GRIP2: variants seen among roughly 807,000 people sequenced by gnomAD.
GRIP2 encodes the protein glutamate receptor interacting protein 2.
Under a neutral mutation model 108.3 loss-of-function variants are expected in GRIP2, and 58 were observed. The ratio of observed to expected loss-of-function variants is 0.54; its 90% CI spans 0.43 to 0.67. GRIP2 has a LOEUF of 0.67. Ranked by LOEUF, GRIP2 falls within the 30% of genes least tolerant of loss-of-function variation. GRIP2 has a pLI of 0.00. For missense variants in GRIP2, 1,278 were observed against 1,430.6 expected, an observed-to-expected ratio of 0.89 and a Z score of 1.72; for synonymous variants, 586 against 598.2, an observed-to-expected ratio of 0.98 and a Z score of 0.30.
chr3:14,523,949 T>G lies in GRIP2; in HGVS notation c.404-251A>C, dbSNP rs1172846130. 4 of 542,006 alleles carry G rather than the reference T, an allele frequency of 7.4e-6. No homozygotes were observed. In the Admixed American group the frequency reaches 1.3e-4, roughly 17 times the overall value. The allele number at this position is 542,006 out of a possible 1,614,324, so 33.6% of individuals were successfully genotyped here. ...CAGAGACGACGGCAGAACTCAGGCT[T>G]GAGTCCATGGCTGGTAGGCTCAGGC... On this transcript the variant is annotated intron_variant, in intron 4 of 23. Coordinates refer to ENST00000621039, the MANE Select transcript of GRIP2 (RefSeq NM_001080423.4).
the GRIP2 span, among the ~76,000 whole-genome samples, chr3:14,597,314 T>C: frequency 6.6e-6 from 1 of 152,110 alleles, no homozygotes; most frequent in Non-Finnish European, 1.5e-5. Flanking sequence ...CATATGATAA[T>C]TTTTTCCAGT....
At chr3:14,575,781 G>GC in the GRIP2 span, among the ~76,000 whole-genome samples, 1 of 152,246 alleles carries the variant, frequency 6.6e-6, no homozygotes, top group Non-Finnish European at 1.5e-5. Context: ...ATCTGCTGAG[G>GC]CCCGCCCTGT....
At position 14,520,237 on chromosome 3, in the gene GRIP2, A is replaced by G. The variant is rs1445118311; in HGVS notation, c.903T>C (p.Asp301=). The G allele has an allele frequency of 4.3e-6, 7 of 1,613,768 alleles. No individual in the cohort carries two copies. The highest frequency in any genetic ancestry group is 4.0e-5 in the African/African-American group (3 of 74,924). Residue 301 remains aspartate (D), a synonymous_variant, in exon 9 of 24, where the codon GAT becomes GAC. Transcript: ENST00000621039. ...LHPGDHILSI[D]GTSMEHCSLL... is the part of the protein sequence containing the mutation. ...GCGAGCAGTGTTCCATGCTGGTGCC[A>G]TCGATGGACAGGATGTGGTCTCCAG...
the GRIP2 span, chr3:14,574,311 C>T: frequency 3.0e-6 from 3 of 1,000,866 alleles, no homozygotes; most frequent in South Asian, 1.3e-5. Context: ...CCCATACAGC[C>T]GCTTCTCCCG....
chr3:14,599,679 C>CTGTGTGTGTGTGTGTGTGTGTG, the GRIP2 span, among the ~76,000 whole-genome samples: 2 of 107,078 alleles, frequency 1.9e-5, no homozygotes, highest in Admixed American at 1.0e-4. Context: ...CTCTCTCTCT[C>CTGTGTGTGTGTGTGTGTGTGTG]TCTCTCTGTG....
chr3:14,521,524 G>A lies in GRIP2; in HGVS notation c.712+118C>T. The A allele has an allele frequency of 9.0e-7, 1 of 1,116,592 alleles. No individual in the cohort carries two copies. Among genetic ancestry groups the A allele is most frequent in the Non-Finnish European group, 1.3e-6 (1 of 799,074 alleles). The allele number at this position is 1,116,592 out of a possible 1,614,324, so 69.2% of individuals were successfully genotyped here. Reference sequence around the variant, plus strand: ...TTTACTGCCCAGAGAAGCTGTGACTGGCCCAAGGTCATAAGGTCATGCAGC... The same window carrying A: ...TTTACTGCCCAGAGAAGCTGTGACTAGCCCAAGGTCATAAGGTCATGCAGC... On this transcript the variant is annotated intron_variant, in intron 7 of 23. Coordinates refer to ENST00000621039, the MANE Select transcript of GRIP2 (RefSeq NM_001080423.4). The surrounding 1 kb of genome is among the most constrained non-coding windows in gnomAD (Gnocchi z 5.1).
chr3:14,538,112 G>A (rs1481000740), intron 1 of GRIP2, among the ~76,000 whole-genome samples: 1 of 152,174 alleles, frequency 6.6e-6, no homozygotes, highest in East Asian at 1.9e-4. Flanking sequence ...AGTCCATCAG[G>A]AGCAGAGAAA....
the GRIP2 span, chr3:14,573,628 G>T: frequency 6.7e-7 from 1 of 1,497,398 alleles, no homozygotes; most frequent in Non-Finnish European, 9.3e-7. Flanking sequence ...CAGCAGGGCC[G>T]TCCTGTGATG....
In GRIP2 at chr3:14,505,215, A is replaced by AGCGGCTCAGCCAC. The variant is rs1559333658; in HGVS notation, c.2573+387_2573+399dup. The stretch of plus-strand genomic sequence containing the variant: ...CCTGCTCTCTGCAGGAGCCTTCTCC[A>AGCGGCTCAGCCAC]GCGGCTCAGCCACTCGGCACAGCCC... On this transcript the variant is annotated intron_variant, in intron 20 of 23. Transcript: ENST00000621039. The surrounding 1 kb of genome is among the most constrained non-coding windows in gnomAD (Gnocchi z 4.2). Among the ~76,000 whole-genome samples, 1 of 152,170 alleles carries AGCGGCTCAGCCAC rather than the reference A, an allele frequency of 6.6e-6. No individual in the cohort carries two copies. The highest frequency in any genetic ancestry group is 1.5e-5 in the Non-Finnish European group (1 of 68,018).
chr3:14,587,661 C>CA, the GRIP2 span, among the ~76,000 whole-genome samples: 2 of 147,058 alleles, frequency 1.4e-5, no homozygotes, highest in African/African-American at 2.5e-5. Context: ...AAAAACAAAA[C>CA]AAAAAAAACC....
intron 1 of GRIP2, among the ~76,000 whole-genome samples, chr3:14,534,255 C>T (rs1193359641): frequency 6.6e-6 from 1 of 152,160 alleles, no homozygotes. Flanking sequence ...CTCCATTTTC[C>T]CCTCTGTAAA....
the GRIP2 span, among the ~76,000 whole-genome samples, chr3:14,563,402 G>C: frequency 1.3e-5 from 2 of 152,064 alleles, no homozygotes; most frequent in East Asian, 1.9e-4. Context: ...GTCATAAAAG[G>C]CCTCACTAAA....
chr3:14,500,077 A>C (rs1424863035), intron 21 of GRIP2, among the ~76,000 whole-genome samples: 2 of 152,232 alleles, frequency 1.3e-5, no homozygotes, highest in African/African-American at 4.8e-5. Flanking sequence ...AAAACAAAAC[A>C]AAACAAAACA....
upstream of GRIP2, chr3:14,540,368 T>TC: frequency 6.2e-7 from 1 of 1,610,422 alleles, no homozygotes; most frequent in Non-Finnish European, 8.5e-7. The surrounding 1 kb of genome is among the most constrained non-coding windows in gnomAD (Gnocchi z 4.1). Flanking sequence ...TGCTTGGCCC[T>TC]CCCTCCCCTC....
intron 22 of GRIP2, 36 bp from the exon 23 acceptor site, chr3:14,495,025 T>A (rs746705069): frequency 1.2e-6 from 2 of 1,608,338 alleles, no homozygotes; most frequent in African/African-American, 2.7e-5. Context: ...CCTGGAACTC[T>A]GACCTTTGCC....
chr3:14,583,711 GCTGA>G, the GRIP2 span, among the ~76,000 whole-genome samples: 2 of 152,236 alleles, frequency 1.3e-5, no homozygotes, highest in African/African-American at 4.8e-5. Context: ...AAGCTACGCT[GCTGA>G]CTGTCACTGC....
the GRIP2 span, among the ~76,000 whole-genome samples, chr3:14,582,455 A>G: frequency 6.6e-6 from 1 of 152,178 alleles, no homozygotes; most frequent in African/African-American, 2.4e-5. Flanking sequence ...TGCACAAATC[A>G]CCAAGTCTTT....
the GRIP2 span, chr3:14,573,005 G>C: frequency 6.8e-7 from 1 of 1,472,352 alleles, no homozygotes; most frequent in Non-Finnish European, 9.5e-7. Context: ...GAAAGATGAT[G>C]ATCAGGCAGC....
At chr3:14,539,751 C>A (rs766783516) in intron 1 of GRIP2, among the ~76,000 whole-genome samples, 19 of 152,154 alleles carry the variant, frequency 1.2e-4, no homozygotes, top group Non-Finnish European at 2.6e-4. Context: ...CCATCCCACA[C>A]ATTCCCAGAG....
Sources: allele counts gnomAD v4.1 joint callset (sites outside exome capture counted in the v4.1 genomes callset), GRCh38; gene constraint gnomAD v4.1.1; non-coding constraint Gnocchi (gnomAD v3.1); transcripts MANE v1.5; gene names NCBI Gene and HGNC (gene_info 2026-07-23, HGNC 2026-07-21).